Variants in EPAS1 observed in about 807,000 individuals in gnomAD.
EPAS1 encodes endothelial PAS domain-containing protein 1.
Under a neutral mutation model 87.9 loss-of-function variants are expected in EPAS1, and 23 were observed. That is an observed-to-expected ratio of 0.26 (90% CI 0.19 to 0.37). The LOEUF (loss-of-function observed/expected upper bound fraction) is 0.37, where lower values mean the gene tolerates loss of function less well. Ranked by LOEUF, EPAS1 falls within the 10% of genes least tolerant of loss-of-function variation. The pLI is 1.00. For missense variants in EPAS1, 1,138 were observed against 1,120.7 expected (o/e 1.02, Z -0.22); for synonymous variants, 508 against 444.3 (o/e 1.14, Z -1.80).
At chr2:46,337,777 G>A (rs1683824827) in intron 1 of EPAS1, among the ~76,000 whole-genome samples, 1 of 152,184 alleles carries the variant, frequency 6.6e-6, no homozygotes, top group African/African-American at 2.4e-5. Context: ...AGCCCAGAGA[G>A]GTGGCACCAA....
intron 2 of EPAS1, among the ~76,000 whole-genome samples, chr2:46,348,125 T>C (rs1005405508): frequency 6.6e-5 from 10 of 152,050 alleles, no homozygotes; most frequent in African/African-American, 2.4e-4. Context: ...CTGGTCCCTG[T>C]AGTACAGGAA....
chr2:46,370,162 C>T (rs2103653169), intron 7 of EPAS1, among the ~76,000 whole-genome samples: 1 of 152,350 alleles, frequency 6.6e-6, no homozygotes, highest in African/African-American at 2.4e-5. Context: ...GGAGATGCAC[C>T]CGTGCCAAGG....
At chr2:46,377,813 T>C in intron 9 of EPAS1, 81 bp from the exon 10 acceptor site, 2 of 1,551,000 alleles carry the variant, frequency 1.3e-6, no homozygotes, top group East Asian at 4.9e-5. Context: ...TAGGGCCTTC[T>C]CTGCGGTTTT....
In EPAS1 at chr2:46,378,715, T is replaced by C. The variant is rs751389052; in HGVS notation, c.1502T>C (p.Ile501Thr). Reference protein sequence around the residue: ...SLDNDLKIEVIEKLFAMDTEA... With the variant: ...SLDNDLKIEVTEKLFAMDTEA... ...GATAACGACCTGAAGATTGAAGTGATTGAGAAGCTCTTCGCCATGGACACA... is the reference window on the plus strand; with the variant it reads ...GATAACGACCTGAAGATTGAAGTGACTGAGAAGCTCTTCGCCATGGACACA... Residue 501 changes from isoleucine (I) to threonine (T), a missense_variant, in exon 11 of 16, where the codon ATT becomes ACT. Ile to Thr is a moderately conservative substitution (Grantham distance 89). Around this residue, in one of 4 missense-constraint regions of EPAS1, gnomAD observed 284 missense variants for 258.4 expected, o/e 1.10. Coordinates refer to ENST00000263734, the MANE Select transcript of EPAS1 (RefSeq NM_001430.5). The C allele has an allele frequency of 8.7e-6, 14 of 1,614,188 alleles. No homozygotes were observed. Among genetic ancestry groups the C allele is most frequent in the Non-Finnish European group, 1.2e-5 (14 of 1,180,016 alleles).
At chr2:46,341,038 T>C (rs1683902177) in intron 1 of EPAS1, among the ~76,000 whole-genome samples, 1 of 152,160 alleles carries the variant, frequency 6.6e-6, no homozygotes, top group Admixed American at 6.5e-5. Flanking sequence ...GTTTTCACTA[T>C]CTAACATTGA....
At position 46,300,575 on chromosome 2, in the gene EPAS1, C is replaced by G. The variant is rs1177587879; in HGVS notation, c.26+2638C>G. ...ACATCACAGATGTCAGAAACTGAAG[C>G]CTGGTGGGTGGGGGTACTGCACTTT... is the stretch of plus-strand genomic sequence containing the variant. On this transcript the variant is annotated intron_variant, in intron 1 of 15. Transcript: ENST00000263734. This position sits in a 1 kb window ranked among gnomAD's most constrained non-coding sequence, Gnocchi z 4.1. 6.6e-6 allele frequency among the ~76,000 whole-genome samples: 1 copy of G among 152,144 alleles called. No homozygotes were observed. Among genetic ancestry groups the G allele is most frequent in the Non-Finnish European group, 1.5e-5 (1 of 68,014 alleles).
chr2:46,331,919 C>T (rs1206085532), intron 1 of EPAS1, among the ~76,000 whole-genome samples: 4 of 152,184 alleles, frequency 2.6e-5, no homozygotes, highest in Non-Finnish European at 4.4e-5. Context: ...TCTTTCTCTG[C>T]TGCTGACTCA....
chr2:46,350,321 G>GGGTTCC (rs1330389988), intron 2 of EPAS1, among the ~76,000 whole-genome samples: 7 of 152,148 alleles, frequency 4.6e-5, no homozygotes, highest in Non-Finnish European at 1.0e-4. Context: ...GGAAATAGCT[G>GGGTTCC]GTTGCATACC....
chr2:46,382,304 G>A, intron 14 of EPAS1, 121 bp from the exon 15 acceptor site: 1 of 1,346,890 alleles, frequency 7.4e-7, no homozygotes, highest in East Asian at 2.3e-5. Context: ...GGGTCCTGAA[G>A]GTTGGCTGTA....
intron 1 of EPAS1, among the ~76,000 whole-genome samples, chr2:46,318,870 A>G (rs1243272470): frequency 1.3e-5 from 2 of 152,236 alleles, no homozygotes; most frequent in African/African-American, 4.8e-5. Context: ...ATATAGCAAT[A>G]TATCAGAACT....
Position 46,378,756 on chromosome 2 carries a change from T to A in EPAS1, c.1543T>A (p.Cys515Ser). ...CATGGACACAGAGGCCAAGGACCAATGCAGTACCCAGGTAGATGGCTGTGG... is the reference window on the plus strand; with the variant it reads ...CATGGACACAGAGGCCAAGGACCAAAGCAGTACCCAGGTAGATGGCTGTGG... Reference protein sequence around the residue: ...FAMDTEAKDQCSTQTDFNELD... With the variant: ...FAMDTEAKDQSSTQTDFNELD... Residue 515 changes from cysteine (C) to serine (S), a missense_variant, in exon 11 of 16, where the codon TGC becomes AGC. Physicochemically the swap from Cys to Ser is moderately radical, Grantham distance 112 (BLOSUM62 -1). Around this residue, in one of 4 missense-constraint regions of EPAS1, gnomAD observed 284 missense variants for 258.4 expected, o/e 1.10. Transcript: ENST00000263734. 2.5e-6 allele frequency: 4 copies of A among 1,614,008 alleles called. No homozygotes were observed. Among genetic ancestry groups the A allele is most frequent in the Non-Finnish European group, 3.4e-6 (4 of 1,179,858 alleles).
chr2:46,308,931 A>T (rs780419650), intron 1 of EPAS1, among the ~76,000 whole-genome samples: 1 of 152,204 alleles, frequency 6.6e-6, no homozygotes, highest in African/African-American at 2.4e-5. Flanking sequence ...TGTTATTTGT[A>T]TGATGCTTTT....
At chr2:46,321,763 A>G (rs1683458258) in intron 1 of EPAS1, among the ~76,000 whole-genome samples, 1 of 151,350 alleles carries the variant, frequency 6.6e-6, no homozygotes, top group Admixed American at 6.6e-5. Flanking sequence ...TGAGGCAAAC[A>G]AAGACTATCA....
In EPAS1 at chr2:46,356,133, ACCCCC is replaced by A; in HGVS notation, c.218-12_218-8del. 4.3e-5 allele frequency: 52 copies of A among 1,218,182 alleles called. No homozygotes were observed. Among genetic ancestry groups the A allele is most frequent in the Non-Finnish European group, 5.8e-5 (50 of 867,572 alleles). 75.5% of individuals were successfully genotyped at this position (1,218,182 alleles called of 1,614,324 possible). A position where few individuals can be genotyped will look rare whatever the true frequency, so the allele number is the denominator to read the frequency against. ...ACTCCACATTCATGCAAGCTGTCCC[ACCCCC>A]CCCCCTTTCCAGTTTGCTCTGAAAA... On this transcript the variant is annotated splice_polypyrimidine_tract_variant and intron_variant, in intron 2 of 15. Coordinates refer to ENST00000263734, the MANE Select transcript of EPAS1 (RefSeq NM_001430.5).
intron 15 of EPAS1, 112 bp downstream of exon 15, chr2:46,382,710 C>G: frequency 7.1e-7 from 1 of 1,402,256 alleles, no homozygotes; most frequent in Non-Finnish European, 9.8e-7. Flanking sequence ...AGGTGCTTGA[C>G]TTGAAGTCAC....
chr2:46,376,261 AAC>A (rs1289485133), intron 8 of EPAS1, among the ~76,000 whole-genome samples: 1 of 152,226 alleles, frequency 6.6e-6, no homozygotes, highest in Admixed American at 6.5e-5. Flanking sequence ...GACAGAGAAA[AAC>A]AAAAGCATCA....
chr2:46,326,100 C>A (rs939376735), intron 1 of EPAS1, among the ~76,000 whole-genome samples: 6 of 152,060 alleles, frequency 3.9e-5, no homozygotes, highest in Non-Finnish European at 8.8e-5. Context: ...TGGATCAGTT[C>A]CTTCTAGGCA....
chr2:46,375,542 A>C lies in EPAS1; in HGVS notation c.887-148A>C, dbSNP rs1684726313. ...TGAGGTGATCCCTAAGCTCCCTCCC[A>C]GGTCACTCTCCCTGGTCCTCACTGT... On this transcript the variant is annotated intron_variant, in intron 7 of 15. Coordinates refer to ENST00000263734, the MANE Select transcript of EPAS1 (RefSeq NM_001430.5). The surrounding 1 kb of genome is among the most constrained non-coding windows in gnomAD (Gnocchi z 4.1). 1 of 911,438 alleles carries C rather than the reference A, an allele frequency of 1.1e-6. No homozygotes were observed. Among genetic ancestry groups the C allele is most frequent in the Admixed American group, 2.1e-5 (1 of 48,738 alleles). The allele number at this position is 911,438 out of a possible 1,614,324, so 56.5% of individuals were successfully genotyped here.
intron 1 of EPAS1, among the ~76,000 whole-genome samples, chr2:46,312,113 C>A (rs146460696): frequency 4.6e-5 from 7 of 152,286 alleles, no homozygotes; most frequent in African/African-American, 1.7e-4. Flanking sequence ...GACAAACTTT[C>A]ACCCACTTGA....
Sources: allele counts gnomAD v4.1 joint callset (sites outside exome capture counted in the v4.1 genomes callset), GRCh38; gene constraint gnomAD v4.1.1; regional missense constraint gnomAD v4.1.1; non-coding constraint Gnocchi (gnomAD v3.1); transcripts MANE v1.5; gene names NCBI Gene and HGNC (gene_info 2026-07-23, HGNC 2026-07-21).